The following CDH4 variants were observed in gnomAD, a reference collection of about 807,000 sequenced individuals.
CDH4 encodes the protein cadherin 4.
A neutral mutation model predicts 86.0 loss-of-function variants in CDH4; 33 were observed. The ratio of observed to expected loss-of-function variants is 0.38; its 90% CI spans 0.29 to 0.51. The LOEUF (loss-of-function observed/expected upper bound fraction) is 0.51. Among genes scored for constraint, CDH4 ranks in the 20% least tolerant of loss-of-function variants. CDH4 has a pLI of 0.86. For missense variants in CDH4, 1,114 were observed against 1,307.4 expected, an observed-to-expected ratio of 0.85 and a Z score of 2.28; for synonymous variants, 555 against 549.4, an observed-to-expected ratio of 1.01 and a Z score of -0.14.
chr20:61,631,908 C>T (rs1306088572), intron 2 of CDH4, among the ~76,000 whole-genome samples: 5 of 152,234 alleles, frequency 3.3e-5, no homozygotes, highest in African/African-American at 4.8e-5. Flanking sequence ...CACAAGACGG[C>T]GCCTCCCCAC....
rs73136644 is a variant in CDH4, at chr20:61,565,013, C to T, written c.170-178550C>T. ...CAGCCACCTGGTAGACAGCGGGTACCCAACACACTGCTGCTGGATTTGTTT... is the reference window on the plus strand; with the variant it reads ...CAGCCACCTGGTAGACAGCGGGTACTCAACACACTGCTGCTGGATTTGTTT... On this transcript the variant is annotated intron_variant, in intron 2 of 15. Coordinates refer to ENST00000614565, the MANE Select transcript of CDH4 (RefSeq NM_001794.5). 4.8e-3 allele frequency among the ~76,000 whole-genome samples: 649 copies of T among 135,748 alleles called. 2 individuals are homozygous for T. Among genetic ancestry groups the T allele is most frequent in the Non-Finnish European group, 8.0e-3 (515 of 64,036 alleles). 89.1% of individuals were successfully genotyped at this position (135,748 alleles called of 152,430 possible). A position where few individuals can be genotyped will look rare whatever the true frequency, so the allele number is the denominator to read the frequency against.
At chr20:61,503,102 A>C (rs2085716430) in intron 2 of CDH4, among the ~76,000 whole-genome samples, 1 of 152,240 alleles carries the variant, frequency 6.6e-6, no homozygotes. Context: ...CAAGACCTTG[A>C]TGAGGACTGG....
At chr20:61,654,121 C>T (rs1422553305) in intron 2 of CDH4, among the ~76,000 whole-genome samples, 1 of 152,150 alleles carries the variant, frequency 6.6e-6, no homozygotes, top group African/African-American at 2.4e-5. Context: ...CCACTGCACT[C>T]CAGCCTGGGC....
At chr20:61,396,403 G>A (rs1205681457) in intron 2 of CDH4, among the ~76,000 whole-genome samples, 2 of 152,158 alleles carry the variant, frequency 1.3e-5, no homozygotes, top group East Asian at 1.9e-4. Context: ...AGAGGCTCAG[G>A]AGGATCTGGA....
At chr20:61,336,113 C>T (rs2084615679) in intron 2 of CDH4, among the ~76,000 whole-genome samples, 1 of 152,146 alleles carries the variant, frequency 6.6e-6, no homozygotes. Flanking sequence ...CATCAGCTCT[C>T]CCGCCTGGGA....
chr20:61,894,620 G>T (rs931347353), intron 7 of CDH4, among the ~76,000 whole-genome samples: 1 of 152,066 alleles, frequency 6.6e-6, no homozygotes, highest in Non-Finnish European at 1.5e-5. Flanking sequence ...TTCTATCTTG[G>T]CACCAAACGT....
At chr20:61,917,847 T>C (rs747696057) in intron 9 of CDH4, among the ~76,000 whole-genome samples, 3 of 152,280 alleles carry the variant, frequency 2.0e-5, no homozygotes, top group Non-Finnish European at 2.9e-5. Flanking sequence ...TTTATCTTCC[T>C]GTGGGCTTTT....
intron 4 of CDH4, among the ~76,000 whole-genome samples, chr20:61,803,772 A>G (rs367609916): frequency 3.3e-5 from 5 of 152,364 alleles, no homozygotes; most frequent in Middle Eastern, 3.4e-3. Flanking sequence ...ACTGTCAGTG[A>G]AAGTCATTTG....
intron 2 of CDH4, among the ~76,000 whole-genome samples, chr20:61,579,493 G>C (rs2086409507): frequency 1.3e-5 from 2 of 151,966 alleles, no homozygotes; most frequent in South Asian, 4.2e-4. Flanking sequence ...CGCCATGTTG[G>C]CCAGACTGGT....
At chr20:61,695,742 G>A (rs1568761112) in intron 2 of CDH4, among the ~76,000 whole-genome samples, 2 of 152,216 alleles carry the variant, frequency 1.3e-5, no homozygotes, top group African/African-American at 4.8e-5. Context: ...GTGAGCCCTG[G>A]CATCTCATCT....
intron 3 of CDH4, among the ~76,000 whole-genome samples, chr20:61,768,571 T>C (rs909072070): frequency 6.6e-6 from 1 of 152,188 alleles, no homozygotes; most frequent in Non-Finnish European, 1.5e-5. Context: ...TTTTTAAGTG[T>C]AACTGGAAGC....
rs189100000 is a variant in CDH4 at position 61,340,689 on chromosome 20, A to G, written c.169+85752A>G. 4.6e-5 allele frequency among the ~76,000 whole-genome samples: 7 copies of G among 151,906 alleles called. No homozygotes were observed. In the East Asian group the frequency reaches 5.8e-4, roughly 13 times the overall value. On this transcript the variant is annotated intron_variant, in intron 2 of 15. Transcript: ENST00000614565. ...AGCCTCCATCTTCTGGGCTCAAGCAATCCTCCTGCTTAAGCCTCCTAAATA... is the reference window on the plus strand; with the variant it reads ...AGCCTCCATCTTCTGGGCTCAAGCAGTCCTCCTGCTTAAGCCTCCTAAATA...
chr20:61,723,416 G>A (rs932234068), intron 2 of CDH4, among the ~76,000 whole-genome samples: 2 of 152,214 alleles, frequency 1.3e-5, no homozygotes, highest in African/African-American at 4.8e-5. Context: ...GTGGGTTCTG[G>A]CTCTGTCGTT....
At chr20:61,789,760 C>G (rs1157867016) in intron 4 of CDH4, among the ~76,000 whole-genome samples, 1 of 152,226 alleles carries the variant, frequency 6.6e-6, no homozygotes, top group Non-Finnish European at 1.5e-5. Flanking sequence ...CTCACCATTG[C>G]CCCTGGGAGG....
chr20:61,620,304 GTAGA>G (rs1343295361), intron 2 of CDH4, among the ~76,000 whole-genome samples: 16 of 150,438 alleles, frequency 1.1e-4, no homozygotes, highest in Admixed American at 2.7e-4. Flanking sequence ...TAGATGGTAG[GTAGA>G]TAGGTAGGTA....
At chr20:61,584,331 A>T (rs1054027182) in intron 2 of CDH4, among the ~76,000 whole-genome samples, 7 of 152,180 alleles carry the variant, frequency 4.6e-5, no homozygotes, top group Non-Finnish European at 1.0e-4. Context: ...CGACCCCTGC[A>T]GATCAATATT....
chr20:61,526,730 G>T (rs907216683), intron 2 of CDH4, among the ~76,000 whole-genome samples: 1 of 147,138 alleles, frequency 6.8e-6, no homozygotes, highest in Non-Finnish European at 1.5e-5. Context: ...TATGAGTGAT[G>T]GGGAGACTGG....
chr20:61,524,357 G>A (rs920326341), intron 2 of CDH4, among the ~76,000 whole-genome samples: 2 of 152,174 alleles, frequency 1.3e-5, no homozygotes, highest in Non-Finnish European at 2.9e-5. Flanking sequence ...GCATTCGTGC[G>A]ATTGTGTCGG....
At chr20:61,432,385 C>T (rs368608491) in intron 2 of CDH4, among the ~76,000 whole-genome samples, 15 of 152,312 alleles carry the variant, frequency 9.8e-5, no homozygotes, top group South Asian at 6.2e-4. Flanking sequence ...TCCCTGGATA[C>T]TGACAATATT....
Sources: gnomAD v4.1 joint callset for allele counts (sites outside exome capture counted in the v4.1 genomes callset) on GRCh38, gnomAD v4.1.1 for gene constraint, MANE v1.5 for transcripts, NCBI Gene and HGNC (gene_info 2026-07-23, HGNC 2026-07-21) for gene names.